The following ANO10 variants were observed in gnomAD, a reference collection of about 807,000 sequenced individuals.
ANO10 encodes the protein anoctamin 10.
ANO10 carries 77 observed loss-of-function variants against 74.7 expected under a neutral mutation model. The ratio of observed to expected loss-of-function variants is 1.03; its 90% CI spans 0.86 to 1.25. ANO10 has a LOEUF of 1.25. Among genes scored for constraint, ANO10 ranks in the 50% most tolerant of loss-of-function variants. ANO10 has a pLI of 0.00. For missense variants in ANO10, 721 were observed against 778.1 expected (o/e 0.93, Z 0.87); for synonymous variants, 279 against 284.9 (o/e 0.98, Z 0.21).
intron 12 of ANO10, among the ~76,000 whole-genome samples, chr3:43,423,341 GA>G (rs2092848870): frequency 6.6e-6 from 1 of 152,082 alleles, no homozygotes; most frequent in South Asian, 2.1e-4. Context: ...AATTACATGT[GA>G]GTCAACAAAC....
chr3:43,677,937 G>A (rs985850688), intron 1 of ANO10, among the ~76,000 whole-genome samples: 3 of 152,210 alleles, frequency 2.0e-5, no homozygotes, highest in Admixed American at 6.5e-5. Flanking sequence ...AGACTCAAGG[G>A]AAGGAAAAAC....
intron 11 of ANO10, among the ~76,000 whole-genome samples, chr3:43,488,713 C>T (rs1409025822): frequency 6.6e-6 from 1 of 151,764 alleles, no homozygotes; most frequent in African/African-American, 2.4e-5. Flanking sequence ...CACTTTTACA[C>T]TGTTGGTGGG....
At chr3:43,662,433 A>G (rs1278262778) in intron 1 of ANO10, among the ~76,000 whole-genome samples, 1 of 152,238 alleles carries the variant, frequency 6.6e-6, no homozygotes, top group African/African-American at 2.4e-5. Context: ...AATTGATACT[A>G]CTAAATGCCC....
In ANO10 at chr3:43,632,461, G is replaced by A. The variant is rs544616408; in HGVS notation, c.-11-26598C>T. ...CAGGCAGCCCTTTCCATATAGTGGA[G>A]TAACTGCTTCCGCTCCTTGCCCTTC... On this transcript the variant is annotated intron_variant, in intron 1 of 3. Coordinates refer to the ANO10 transcript ENST00000413397. 5.2e-5 allele frequency among the ~76,000 whole-genome samples: 8 copies of A among 152,402 alleles called. No individual in the cohort carries two copies. The South Asian group carries it at 1.7e-3, about 32-fold the overall frequency.
chr3:43,606,414 C>A (rs2082566342), intron 1 of ANO10, among the ~76,000 whole-genome samples: 1 of 152,088 alleles, frequency 6.6e-6, no homozygotes, highest in Non-Finnish European at 1.5e-5. Context: ...AGGAAATGGG[C>A]TTTGTCTAAC....
chr3:43,438,673 G>C (rs1176371864), intron 11 of ANO10, among the ~76,000 whole-genome samples: 1 of 152,054 alleles, frequency 6.6e-6, no homozygotes, highest in Non-Finnish European at 1.5e-5. Context: ...CTTGAATCCA[G>C]GAGGCAAAGG....
intron 1 of ANO10, among the ~76,000 whole-genome samples, chr3:43,652,480 G>T (rs1384469675): frequency 1.3e-5 from 2 of 152,136 alleles, no homozygotes; most frequent in Non-Finnish European, 2.9e-5. Context: ...TTGGACCACT[G>T]CTTAATGCCA....
Position 43,665,554 on chromosome 3 carries a change from T to C in ANO10, c.-12+25963A>G, listed in dbSNP as rs774883193. ...AAAAAAGAGAAAAATCTTGGTCATCTAGCATTGGTGATCTTAAGGCACTTA... is the reference window on the plus strand; with the variant it reads ...AAAAAAGAGAAAAATCTTGGTCATCCAGCATTGGTGATCTTAAGGCACTTA... On this transcript the variant is annotated intron_variant, in intron 1 of 3. Coordinates refer to the ANO10 transcript ENST00000413397. 3.8e-4 allele frequency among the ~76,000 whole-genome samples: 58 copies of C among 152,294 alleles called. 1 individual carries two copies. In the Middle Eastern group the frequency reaches 0.037, roughly 98 times the overall value.
At chr3:43,513,126 A>T (rs1377175432) in intron 11 of ANO10, among the ~76,000 whole-genome samples, 1 of 152,202 alleles carries the variant, frequency 6.6e-6, no homozygotes, top group Non-Finnish European at 1.5e-5. Context: ...TATGTGAGGA[A>T]ACTATCTGAG....
At chr3:43,645,897 TC>T (rs1167962359) in intron 1 of ANO10, among the ~76,000 whole-genome samples, 1 of 152,142 alleles carries the variant, frequency 6.6e-6, no homozygotes, top group Non-Finnish European at 1.5e-5. Context: ...AGCCTCCACC[TC>T]CCAAGCTCAA....
Position 43,432,725 on chromosome 3 carries a change from G to A in ANO10, c.1800C>T (p.His600=), listed in dbSNP as rs754900776. Residue 600 remains histidine (H), a splice_region_variant and synonymous_variant, in exon 12 of 13, where the codon CAC becomes CAT. Coordinates refer to ENST00000292246, the MANE Select transcript of ANO10 (RefSeq NM_018075.5). ...GTATAAACTTTAAAGCCAGGAGTGC[G>A]TGCTGAAAACAAGAAAGAGTACATG... is the stretch of plus-strand genomic sequence containing the variant. ...DLILIVVAVE[H]ALLALKFILA... The A allele has an allele frequency of 2.6e-5, 42 of 1,606,064 alleles. No individual in the cohort carries two copies. Among genetic ancestry groups the A allele is most frequent in the Admixed American group, 5.0e-5 (3 of 59,920 alleles).
At chr3:43,468,694 G>A (rs1180812699) in intron 11 of ANO10, among the ~76,000 whole-genome samples, 2 of 146,174 alleles carry the variant, frequency 1.4e-5, no homozygotes, top group African/African-American at 5.3e-5. Context: ...CATCTCAGTG[G>A]GTTTTCTTTT....
At chr3:43,522,464 C>T (rs180994428) in intron 11 of ANO10, among the ~76,000 whole-genome samples, 4 of 152,264 alleles carry the variant, frequency 2.6e-5, no homozygotes, top group Admixed American at 2.6e-4. Flanking sequence ...AGCACAAGAT[C>T]CTCCTAAGTC....
intron 12 of ANO10, among the ~76,000 whole-genome samples, chr3:43,392,545 G>A (rs1450135878): frequency 6.6e-6 from 1 of 152,168 alleles, no homozygotes; most frequent in African/African-American, 2.4e-5. Flanking sequence ...CCAGTGCTCT[G>A]AACCAGGCTA....
intron 11 of ANO10, among the ~76,000 whole-genome samples, chr3:43,443,847 A>AT (rs2093200835): frequency 6.6e-6 from 1 of 151,276 alleles, no homozygotes; most frequent in African/African-American, 2.4e-5. Context: ...CGCCTGGCTA[A>AT]TTTTTTTGTA....
chr3:43,600,984 T>G (rs1459924864), intron 2 of ANO10, among the ~76,000 whole-genome samples: 1 of 152,110 alleles, frequency 6.6e-6, no homozygotes, highest in Non-Finnish European at 1.5e-5. Flanking sequence ...AAAAATGTAA[T>G]ACAATTACAC....
intron 11 of ANO10, among the ~76,000 whole-genome samples, chr3:43,453,641 G>A (rs2074985697): frequency 6.6e-6 from 1 of 152,120 alleles, no homozygotes; most frequent in Non-Finnish European, 1.5e-5. Flanking sequence ...TTTGCATATA[G>A]TGTGGGGTAG....
intron 11 of ANO10, among the ~76,000 whole-genome samples, chr3:43,536,240 T>C (rs936248854): frequency 8.5e-5 from 13 of 152,240 alleles, no homozygotes; most frequent in African/African-American, 3.1e-4. Flanking sequence ...TTTATATTTA[T>C]TAATGATTCC....
chr3:43,614,549 C>A (rs2082988999), intron 1 of ANO10, among the ~76,000 whole-genome samples: 1 of 151,804 alleles, frequency 6.6e-6, no homozygotes, highest in South Asian at 2.1e-4. Context: ...AGATACTTTT[C>A]CCTTTTCAAA....
Sources: gnomAD v4.1 joint callset for allele counts (sites outside exome capture counted in the v4.1 genomes callset) on GRCh38, gnomAD v4.1.1 for gene constraint, MANE v1.5 for transcripts, NCBI Gene and HGNC (gene_info 2026-07-23, HGNC 2026-07-21) for gene names.